TRMT11: variants seen among roughly 807,000 people sequenced by gnomAD.
The protein encoded by TRMT11 is tRNA methyltransferase 11, also known as tRNA (guanine(10)-N(2))-methyltransferase TRMT11.
TRMT11 carries 53 observed loss-of-function variants against 62.8 expected under a neutral mutation model. The observed-to-expected ratio is 0.84, with a 90% CI of 0.68 to 1.06. TRMT11 has a LOEUF of 1.06. TRMT11 is among the 50% of genes least tolerant of loss of function. The probability of loss-of-function intolerance (pLI) is 0.00; values close to 1 mark genes in which losing one functional copy is unlikely to be tolerated. For missense variants in TRMT11, 556 were observed against 553.4 expected (o/e 1.00, Z -0.05); for synonymous variants, 188 against 190.3 (o/e 0.99, Z 0.10).
intron 17 of TRMT11, among the ~76,000 whole-genome samples, chr6:126,085,251 T>A (rs1363755875): frequency 6.6e-6 from 1 of 152,186 alleles, no homozygotes; most frequent in Non-Finnish European, 1.5e-5. Context: ...AAAAAAATTA[T>A]TCCCCTAAAA....
At chr6:126,203,919 TTGTGTGTGTGTGTGTGTGTG>T (rs71680476), downstream of TRMT11, among the ~76,000 whole-genome samples, 4 of 144,386 alleles carry the variant, frequency 2.8e-5, no homozygotes, top group South Asian at 2.3e-4. Flanking sequence ...GATCATCATT[TTGTGTGTGTGTGTGTGTGTG>T]TGTGTGTGTG....
At chr6:126,023,106 A>G (rs1796062316) in intron 12 of TRMT11, among the ~76,000 whole-genome samples, 1 of 152,212 alleles carries the variant, frequency 6.6e-6, no homozygotes, top group African/African-American at 2.4e-5. Flanking sequence ...TACCAGACTA[A>G]TTATTTAAAG....
chr6:126,228,665 T>C, the TRMT11 span, among the ~76,000 whole-genome samples: 1 of 152,178 alleles, frequency 6.6e-6, no homozygotes. Flanking sequence ...CCACAGATAA[T>C]TGGGGGCTGC....
At chr6:126,026,731 A>G (rs1311089739) in intron 12 of TRMT11, among the ~76,000 whole-genome samples, 1 of 151,184 alleles carries the variant, frequency 6.6e-6, no homozygotes, top group African/African-American at 2.4e-5. Flanking sequence ...TTTTTTTTAA[A>G]GATAGTCTTT....
the TRMT11 span, among the ~76,000 whole-genome samples, chr6:126,263,137 A>C: frequency 2.6e-5 from 4 of 152,122 alleles, no homozygotes; most frequent in African/African-American, 9.7e-5. Context: ...AATTATGTTC[A>C]GCTCAGTTGC....
intron 11 of TRMT11, among the ~76,000 whole-genome samples, chr6:126,015,452 T>C (rs1794864630): frequency 6.6e-6 from 1 of 151,954 alleles, no homozygotes; most frequent in Non-Finnish European, 1.5e-5. Flanking sequence ...ATGATCTTGA[T>C]CTCCTCACCT....
At chr6:126,062,703 G>T (rs1776571416) in intron 17 of TRMT11, among the ~76,000 whole-genome samples, 1 of 152,146 alleles carries the variant, frequency 6.6e-6, no homozygotes, top group African/African-American at 2.4e-5. Context: ...TTACTTGACA[G>T]GTTTTTAGTT....
chr6:126,230,797 T>C, the TRMT11 span, among the ~76,000 whole-genome samples: 1 of 152,110 alleles, frequency 6.6e-6, no homozygotes, highest in African/African-American at 2.4e-5. Flanking sequence ...TGTTTCTGAT[T>C]TGAGAAAGCA....
At chr6:126,158,175 T>G (rs1311398488) in intron 21 of TRMT11, among the ~76,000 whole-genome samples, 1 of 152,224 alleles carries the variant, frequency 6.6e-6, no homozygotes, top group East Asian at 1.9e-4. Flanking sequence ...ACATTGTAAT[T>G]TAGTCTTTTC....
In TRMT11 at chr6:126,038,948, A is replaced by G. The variant is rs6908731; in HGVS notation, c.*112A>G. The G allele has an allele frequency of 1.1e-3, 947 of 896,778 alleles. 4 individuals carry two copies. The African/African-American group carries it at 0.015, about 14-fold the overall frequency. The allele number at this position is 896,778 out of a possible 1,614,324, so 55.6% of individuals were successfully genotyped here. ...TAGGTACGGTTTTAAAATATTTTAT[A>G]TAGAAAAGCTACAAAGTAAATTGAG... On this transcript the variant is annotated 3_prime_UTR_variant, in exon 13 of 13. Transcript: ENST00000334379.
chr6:126,013,344 C>T (rs1794536851), intron 11 of TRMT11, among the ~76,000 whole-genome samples: 1 of 152,016 alleles, frequency 6.6e-6, no homozygotes, highest in African/African-American at 2.4e-5. Context: ...GCAGCGTTGA[C>T]CTCCCAGGCT....
At chr6:126,103,742 G>A (rs939197289) in intron 17 of TRMT11, among the ~76,000 whole-genome samples, 2 of 152,156 alleles carry the variant, frequency 1.3e-5, no homozygotes, top group African/African-American at 2.4e-5. Context: ...TTTACAAAAT[G>A]GCAATTTTCT....
intron 8 of TRMT11, among the ~76,000 whole-genome samples, chr6:126,010,769 T>G (rs117869950): frequency 2.0e-5 from 3 of 152,260 alleles, no homozygotes; most frequent in Non-Finnish European, 4.4e-5. Context: ...ACAAGGAACT[T>G]ACGAGCTTCT....
At chr6:126,169,536 A>G (rs1052017089) in intron 21 of TRMT11, among the ~76,000 whole-genome samples, 2 of 152,134 alleles carry the variant, frequency 1.3e-5, no homozygotes, top group Non-Finnish European at 2.9e-5. Flanking sequence ...CTTGGTTTTG[A>G]CTGCCTGGAT....
intron 21 of TRMT11, among the ~76,000 whole-genome samples, chr6:126,136,511 G>GA (rs1437167699): frequency 6.6e-6 from 1 of 151,576 alleles, no homozygotes. Flanking sequence ...AAGAGGATAT[G>GA]AAAAATGGAA....
chr6:126,244,200 A>G, the TRMT11 span, among the ~76,000 whole-genome samples: 1 of 151,756 alleles, frequency 6.6e-6, no homozygotes. Context: ...CCATCAGTGT[A>G]TGGGAGAAAT....
At chr6:126,157,218 T>G (rs996177988) in intron 21 of TRMT11, among the ~76,000 whole-genome samples, 41 of 152,348 alleles carry the variant, frequency 2.7e-4, no homozygotes, top group Middle Eastern at 3.4e-3. Context: ...TCTTCTTCTT[T>G]CTGCCAGCAT....
chr6:126,271,884 A>T, the TRMT11 span, among the ~76,000 whole-genome samples: 2 of 152,190 alleles, frequency 1.3e-5, no homozygotes, highest in African/African-American at 2.4e-5. Context: ...ACTAATAAGA[A>T]TTCAGAACCA....
At chr6:126,005,069 A>G (rs566566364) in intron 7 of TRMT11, among the ~76,000 whole-genome samples, 4 of 152,088 alleles carry the variant, frequency 2.6e-5, no homozygotes, top group Admixed American at 1.3e-4. Context: ...AAGTGCTACT[A>G]TTCTCATGTG....
Sources: gnomAD v4.1 joint callset for allele counts (sites outside exome capture counted in the v4.1 genomes callset) on GRCh38, gnomAD v4.1.1 for gene constraint, MANE v1.5 for transcripts, NCBI Gene and HGNC (gene_info 2026-07-23, HGNC 2026-07-21) for gene names.